AFDN: variants seen among roughly 807,000 people sequenced by gnomAD.
AFDN encodes afadin, adherens junction formation factor, also known as afadin.
A neutral mutation model predicts 216.6 loss-of-function variants in AFDN; 68 were observed. The ratio of observed to expected loss-of-function variants is 0.31; its 90% CI spans 0.26 to 0.38. AFDN has a LOEUF of 0.38. Ranked by LOEUF, AFDN falls within the 10% of genes least tolerant of loss-of-function variation. The probability of loss-of-function intolerance (pLI) is 1.00; values close to 1 mark genes in which losing one functional copy is unlikely to be tolerated. For synonymous variants in AFDN, 868 were observed against 853.7 expected (o/e 1.02, Z -0.29); for missense variants, 2,136 against 2,342.0 (o/e 0.91, Z 1.82).
chr6:167,868,105 G>T (rs1260489716), intron 2 of AFDN, among the ~76,000 whole-genome samples: 1 of 152,102 alleles, frequency 6.6e-6, no homozygotes, highest in African/African-American at 2.4e-5. Context: ...TAGTCTCTGG[G>T]CATCTTTTCG....
intron 23 of AFDN, among the ~76,000 whole-genome samples, chr6:167,926,649 C>G (rs933614467): frequency 3.9e-5 from 6 of 152,218 alleles, no homozygotes; most frequent in Non-Finnish European, 8.8e-5. Flanking sequence ...CCAGGCTGAT[C>G]TCGATCAAAC....
At chr6:167,897,074 C>T (rs1023824278) in intron 10 of AFDN, 102 bp downstream of exon 10, 8 of 529,950 alleles carry the variant, frequency 1.5e-5, no homozygotes, top group Middle Eastern at 2.7e-4. Flanking sequence ...TTATAATTAC[C>T]GACTTGTATT....
intron 2 of AFDN, among the ~76,000 whole-genome samples, chr6:167,868,912 A>G (rs2128241793): frequency 6.7e-6 from 1 of 149,920 alleles, no homozygotes; most frequent in Non-Finnish European, 1.5e-5. Flanking sequence ...GCAAGCACAC[A>G]CCACCACACC....
At position 167,911,370 on chromosome 6, in the gene AFDN, A is replaced by G; in HGVS notation, c.1918A>G (p.Met640Val). The part of the protein sequence containing the change: ...FKLSPTYVLY[M>V]ACRYVLSNQY... The stretch of plus-strand genomic sequence containing the variant: ...GTTGTCCCCTACATATGTATTATAT[A>G]TGGCATGCCGGTATGTATTGTCCAA... Residue 640 changes from methionine to valine, a missense_variant, in exon 15 of 34, where the codon ATG becomes GTG. Physicochemically the swap from Met to Val is conservative, Grantham distance 21. Transcript: ENST00000683244. 1 of 1,614,070 alleles carries G rather than the reference A, an allele frequency of 6.2e-7. No homozygotes were observed. The highest frequency in any genetic ancestry group is 8.5e-7 in the Non-Finnish European group (1 of 1,179,948).
rs577027944 is a variant in AFDN, at chr6:167,905,375, G to A, written c.1651-1796G>A. On this transcript the variant is annotated intron_variant, in intron 12 of 33. Transcript: ENST00000683244. ...CATCTCATGAATAATTGAATGAGCC[G>A]AAGAAAACTGTCTTTATAAAAATTT... 1.1e-3 allele frequency among the ~76,000 whole-genome samples: 170 copies of A among 152,234 alleles called. 2 individuals carry two copies. Among genetic ancestry groups the A allele is most frequent in the African/African-American group, 3.9e-3 (162 of 41,516 alleles).
intron 23 of AFDN, among the ~76,000 whole-genome samples, chr6:167,934,912 C>T (rs1217035694): frequency 6.6e-6 from 1 of 152,150 alleles, no homozygotes; most frequent in Non-Finnish European, 1.5e-5. Context: ...ATTTGGGGAG[C>T]AGTCTTTTCC....
intron 11 of AFDN, among the ~76,000 whole-genome samples, chr6:167,900,927 G>A (rs1788864456): frequency 6.6e-6 from 1 of 152,178 alleles, no homozygotes; most frequent in Non-Finnish European, 1.5e-5. Flanking sequence ...GCAGAAAGTT[G>A]TGTGCAGAAA....
Position 167,971,539 on chromosome 6 carries a change from G to A in AFDN, c.*1604G>A, listed in dbSNP as rs969055259. 3 of 195,278 alleles carry A rather than the reference G, an allele frequency of 1.5e-5. No homozygotes were observed. Among genetic ancestry groups the A allele is most frequent in the African/African-American group, 6.9e-5 (3 of 43,356 alleles). The allele number at this position is 195,278 out of a possible 1,614,324, so 12.1% of individuals were successfully genotyped here. A position where few individuals can be genotyped will look rare whatever the true frequency, so the allele number is the denominator to read the frequency against. On this transcript the variant is annotated 3_prime_UTR_variant, in exon 34 of 34. Transcript: ENST00000683244. ...GTGTTTAGGAAGGATTTGCTTGCTT[G>A]CAGCAGAAGTTCTAGGAAAAGCAGG...
intron 1 of AFDN, among the ~76,000 whole-genome samples, chr6:167,849,134 T>A (rs1782015025): frequency 7.0e-6 from 1 of 141,956 alleles, no homozygotes; most frequent in South Asian, 2.4e-4. Context: ...ACCTACCTTA[T>A]GGGGTTGTTG....
At chr6:167,889,180 G>T in intron 6 of AFDN, 35 bp from the exon 7 acceptor site, 1 of 1,405,026 alleles carries the variant, frequency 7.1e-7, no homozygotes, top group South Asian at 1.2e-5. Flanking sequence ...TAGTTACTTT[G>T]GCACATTCAT....
At chr6:167,964,358 A>T in intron 31 of AFDN, 3 of 1,064,496 alleles carry the variant, frequency 2.8e-6, no homozygotes, top group Non-Finnish European at 3.4e-6. Context: ...TTACCAAGCA[A>T]CTGTTCTTCA....
intron 12 of AFDN, among the ~76,000 whole-genome samples, chr6:167,903,226 A>G (rs543939278): frequency 2.6e-5 from 4 of 152,348 alleles, no homozygotes; most frequent in East Asian, 1.9e-4. Flanking sequence ...TTTGTTTACC[A>G]TTGTGCAATC....
chr6:167,969,063 G>C (rs1446775444), intron 32 of AFDN, 51 bp from the exon 33 acceptor site: 2 of 1,402,764 alleles, frequency 1.4e-6, no homozygotes, highest in Non-Finnish European at 2.0e-6. Flanking sequence ...CATGAGTAAA[G>C]CTTAGAAATA....
rs536387822 is a variant in AFDN at position 167,922,040 on chromosome 6, C to T, written c.2909-816C>T. On this transcript the variant is annotated intron_variant, in intron 21 of 33. Transcript: ENST00000683244. ...ACTGTGGTGAAAAGCTGCGCAGAGT[C>T]TGTCACACAGGACGCTCTTGATGAA... Among the ~76,000 whole-genome samples the T allele has an allele frequency of 2.0e-5, 3 of 152,288 alleles. No homozygotes were observed. In the East Asian group the frequency reaches 5.8e-4, roughly 29 times the overall value.
rs547037414 is a variant in AFDN, at chr6:167,850,880, ATTGT to A, written c.106-13670_106-13667del. 1.8e-3 allele frequency among the ~76,000 whole-genome samples: 72 copies of A among 40,450 alleles called. 1 individual carries two copies. The South Asian group carries it at 0.034, about 19-fold the overall frequency. 26.5% of individuals were successfully genotyped at this position (40,450 alleles called of 152,430 possible). On this transcript the variant is annotated intron_variant, in intron 1 of 33. Transcript: ENST00000683244. Reference sequence around the variant, plus strand: ...TTGTATTTCAACAATATAATTTTTTATTGTGTGTGTGTGTGTGTGTGACAAAGTC... The same window carrying A: ...TTGTATTTCAACAATATAATTTTTTAGTGTGTGTGTGTGTGTGACAAAGTC...
intron 30 of AFDN, among the ~76,000 whole-genome samples, chr6:167,956,796 A>G (rs564792116): frequency 1.3e-5 from 2 of 152,132 alleles, no homozygotes; most frequent in East Asian, 3.9e-4. Context: ...TGACCTCCTC[A>G]CAACCTGACC....
intron 1 of AFDN, among the ~76,000 whole-genome samples, chr6:167,830,406 G>A (rs371906444): frequency 6.6e-6 from 1 of 152,166 alleles, no homozygotes. Context: ...ATATTGTGTG[G>A]AAAGAATGTT....
intron 2 of AFDN, among the ~76,000 whole-genome samples, chr6:167,868,954 T>TC (rs1784504903): frequency 6.6e-6 from 1 of 151,412 alleles, no homozygotes; most frequent in Admixed American, 6.6e-5. Flanking sequence ...TTTTTTTTTT[T>TC]CTGTGGAAAT....
intron 15 of AFDN, 80 bp from the exon 16 acceptor site, chr6:167,913,323 G>A (rs986244927): frequency 1.1e-5 from 15 of 1,393,132 alleles, no homozygotes; most frequent in African/African-American, 7.1e-5. Context: ...TTAGTGTTTT[G>A]ATTTTTTTAA....
Sources: allele counts gnomAD v4.1 joint callset (sites outside exome capture counted in the v4.1 genomes callset), GRCh38; gene constraint gnomAD v4.1.1; transcripts MANE v1.5; gene names NCBI Gene and HGNC (gene_info 2026-07-23, HGNC 2026-07-21).